Variants in ZNF138 observed in about 807,000 individuals in gnomAD.
ZNF138 encodes zinc finger protein 138, also known as zinc finger protein 138 (clone pHZ-32).
Under a neutral mutation model 33.0 loss-of-function variants are expected in ZNF138, and 33 were observed. The ratio of observed to expected loss-of-function variants is 1.00; its 90% confidence interval spans 0.76 to 1.34. The LOEUF (loss-of-function observed/expected upper bound fraction) is 1.34, where lower values mean the gene tolerates loss of function less well. Among genes scored for constraint, ZNF138 ranks in the 40% most tolerant of loss-of-function variants. The probability of loss-of-function intolerance (pLI) is 0.00; values close to 1 mark genes in which losing one functional copy is unlikely to be tolerated. For missense variants in ZNF138, 360 were observed against 370.8 expected (o/e 0.97, Z 0.24); for synonymous variants, 139 against 120.4 (o/e 1.15, Z -1.01).
In ZNF138 at chr7:64,806,802, A is replaced by G. The variant is rs546501386; in HGVS notation, c.4-8116A>G. ...CTTAACAATGTATATCCAATTAGTA[A>G]TGTTATTTTTTGTAAATAAGAATTT... On this transcript the variant is annotated intron_variant, in intron 1 of 3. Coordinates refer to ENST00000307355, the MANE Select transcript of ZNF138 (RefSeq NM_001271639.2). 1.2e-4 allele frequency among the ~76,000 whole-genome samples: 19 copies of G among 152,356 alleles called. No individual in the cohort carries two copies. In the South Asian group the frequency reaches 3.9e-3, roughly 32 times the overall value.
the ZNF138 span, among the ~76,000 whole-genome samples, chr7:64,849,040 C>G: frequency 6.6e-6 from 1 of 152,138 alleles, no homozygotes. Flanking sequence ...TGTCATACTA[C>G]CAGAATTGTT....
At chr7:64,859,093 A>T in the ZNF138 span, among the ~76,000 whole-genome samples, 1 of 152,004 alleles carries the variant, frequency 6.6e-6, no homozygotes, top group East Asian at 1.9e-4. Flanking sequence ...ACACCTGGCT[A>T]ATTTTTGTAT....
chr7:64,846,967 T>A, the ZNF138 span, among the ~76,000 whole-genome samples: 1 of 152,182 alleles, frequency 6.6e-6, no homozygotes, highest in South Asian at 2.1e-4. Context: ...GTTTTAATCA[T>A]AAAGGGATCC....
At chr7:64,843,822 AT>A in the ZNF138 span, among the ~76,000 whole-genome samples, 1 of 117,816 alleles carries the variant, frequency 8.5e-6, no homozygotes, top group South Asian at 2.9e-4. Context: ...AGGTTAGTTT[AT>A]TTTTTTTATT....
At chr7:64,807,386 T>C (rs927695184) in intron 1 of ZNF138, among the ~76,000 whole-genome samples, 2 of 152,232 alleles carry the variant, frequency 1.3e-5, no homozygotes, top group African/African-American at 2.4e-5. Context: ...AGCGCAGATT[T>C]CAGGCAACTT....
At chr7:64,842,085 A>G in the ZNF138 span, among the ~76,000 whole-genome samples, 2 of 152,210 alleles carry the variant, frequency 1.3e-5, no homozygotes, top group African/African-American at 4.8e-5. Flanking sequence ...TATTTATGAA[A>G]TGGAATCTTG....
chr7:64,798,970 A>G (rs1366503821), intron 1 of ZNF138, among the ~76,000 whole-genome samples: 2 of 150,996 alleles, frequency 1.3e-5, no homozygotes, highest in East Asian at 1.9e-4. Flanking sequence ...AATAGTTTCA[A>G]GTTGGATAAT....
At chr7:64,810,268 C>T (rs1470514263) in intron 1 of ZNF138, among the ~76,000 whole-genome samples, 7 of 150,664 alleles carry the variant, frequency 4.6e-5, no homozygotes, top group African/African-American at 9.8e-5. Context: ...CTGGCCTGGC[C>T]GACACAGCGA....
the ZNF138 span, among the ~76,000 whole-genome samples, chr7:64,841,704 G>C: frequency 6.6e-6 from 1 of 151,976 alleles, no homozygotes; most frequent in Non-Finnish European, 1.5e-5. Flanking sequence ...TTTTTTCTAC[G>C]TGATTGCTAC....
At chr7:64,836,959 A>G (rs1229308257), downstream of ZNF138, 1 of 152,196 alleles carries the variant, frequency 6.6e-6, no homozygotes, top group African/African-American at 2.4e-5. Flanking sequence ...AGCGAACTTC[A>G]TGTTGGTGAA....
intron 3 of ZNF138, chr7:64,830,907 C>T (rs1583899080): frequency 6.5e-7 from 1 of 1,531,900 alleles, no homozygotes; most frequent in Non-Finnish European, 8.8e-7. Flanking sequence ...AGTCAGTAGT[C>T]ACTTGCTACA....
intron 1 of ZNF138, among the ~76,000 whole-genome samples, chr7:64,799,906 C>T (rs986430335): frequency 6.6e-6 from 1 of 152,188 alleles, no homozygotes; most frequent in Non-Finnish European, 1.5e-5. Flanking sequence ...CCTCGGCCTC[C>T]CAAAGTGCTG....
At chr7:64,809,163 G>A (rs1304138721) in intron 1 of ZNF138, among the ~76,000 whole-genome samples, 2 of 122,454 alleles carry the variant, frequency 1.6e-5, no homozygotes, top group African/African-American at 3.0e-5. Context: ...AGGGGCGGCC[G>A]GGCAGAGGCG....
intron 3 of ZNF138, among the ~76,000 whole-genome samples, chr7:64,830,557 A>G (rs915826303): frequency 3.3e-5 from 5 of 152,074 alleles, no homozygotes; most frequent in African/African-American, 1.2e-4. Context: ...TCCTGACATC[A>G]GGTCATCTCC....
At chr7:64,813,435 G>GTTTTTTTT (rs1562902433) in intron 1 of ZNF138, among the ~76,000 whole-genome samples, 1 of 130,284 alleles carries the variant, frequency 7.7e-6, no homozygotes. Context: ...GCATAAAAAT[G>GTTTTTTTT]ATTTTTTTTT....
intron 3 of ZNF138, among the ~76,000 whole-genome samples, chr7:64,817,000 C>T (rs932180249): frequency 1.3e-5 from 2 of 152,168 alleles, no homozygotes; most frequent in African/African-American, 4.8e-5. Context: ...TCCTTCAGCA[C>T]TTTGCTCTGT....
chr7:64,839,764 G>C, the ZNF138 span, among the ~76,000 whole-genome samples: 2 of 152,114 alleles, frequency 1.3e-5, no homozygotes, highest in Non-Finnish European at 2.9e-5. Flanking sequence ...GAGTCTTCCC[G>C]AGCCTCTGGG....
Position 64,833,005 on chromosome 7 carries a change from A to G in ZNF138, c.*803A>G. 4.6e-6 allele frequency: 2 copies of G among 434,142 alleles called. No individual in the cohort carries two copies. The highest frequency in any genetic ancestry group is 4.7e-6 in the Non-Finnish European group (1 of 213,994). 26.9% of individuals were successfully genotyped at this position (434,142 alleles called of 1,614,324 possible). Reference sequence around the variant, plus strand: ...ATTCAAACTGGAGAGAAACTCTACAAATGTGAAGAATGTGGCAAAGCTTTT... The same window carrying G: ...ATTCAAACTGGAGAGAAACTCTACAGATGTGAAGAATGTGGCAAAGCTTTT... On this transcript the variant is annotated 3_prime_UTR_variant, in exon 4 of 4. Transcript: ENST00000307355.
chr7:64,858,691 A>G, the ZNF138 span, among the ~76,000 whole-genome samples: 1 of 152,090 alleles, frequency 6.6e-6, no homozygotes, highest in African/African-American at 2.4e-5. Context: ...CTCTGCTTCT[A>G]TTAGTTTGAA....
Sources: gnomAD v4.1 joint callset for allele counts (sites outside exome capture counted in the v4.1 genomes callset) on GRCh38, gnomAD v4.1.1 for gene constraint, MANE v1.5 for transcripts, NCBI Gene and HGNC (gene_info 2026-07-23, HGNC 2026-07-21) for gene names.